Variants in RHBDD1 observed in about 807,000 individuals in gnomAD.
RHBDD1 encodes the protein rhomboid domain containing 1, also known as rhomboid-related protein 4.
Under a neutral mutation model 36.3 loss-of-function variants are expected in RHBDD1, and 38 were observed. The observed-to-expected ratio is 1.05, with a 90% CI of 0.81 to 1.37. The LOEUF is 1.37. Ranked by LOEUF, RHBDD1 falls within the 40% of genes most tolerant of loss-of-function variation. RHBDD1 has a pLI of 0.00. For missense variants in RHBDD1, 393 were observed against 377.6 expected (o/e 1.04, Z -0.34); for synonymous variants, 151 against 136.5 (o/e 1.11, Z -0.74).
At chr2:226,953,112 T>C (rs1293404237) in intron 8 of RHBDD1, among the ~76,000 whole-genome samples, 1 of 152,218 alleles carries the variant, frequency 6.6e-6, no homozygotes. Context: ...GGCTTGAGTC[T>C]TTACTTTTGA....
intron 2 of RHBDD1, among the ~76,000 whole-genome samples, chr2:226,838,884 CAA>C (rs1941304487): frequency 6.6e-6 from 1 of 152,024 alleles, no homozygotes; most frequent in South Asian, 2.1e-4. Context: ...ATGTTTACAG[CAA>C]GGTAAACATC....
At chr2:226,809,634 GGAGA>G in the RHBDD1 span, among the ~76,000 whole-genome samples, 757 of 151,904 alleles carry the variant, frequency 5.0e-3, 8 homozygotes, top group African/African-American at 0.018. Flanking sequence ...AGAAAGAGAG[GGAGA>G]GAGAGAGACA....
intron 3 of RHBDD1, among the ~76,000 whole-genome samples, chr2:226,861,107 C>G (rs984464635): frequency 1.3e-5 from 2 of 152,206 alleles, no homozygotes; most frequent in African/African-American, 2.4e-5. Flanking sequence ...ACCAAGACAT[C>G]AGGCAAACTA....
At chr2:226,988,291 CT>C in intron 8 of RHBDD1, 7 of 1,535,248 alleles carry the variant, frequency 4.6e-6, no homozygotes, top group Non-Finnish European at 6.1e-6. Context: ...GTCTCTTCCC[CT>C]GTCCTTCCCT....
At chr2:226,956,220 C>T (rs2149244921) in intron 8 of RHBDD1, among the ~76,000 whole-genome samples, 1 of 152,228 alleles carries the variant, frequency 6.6e-6, no homozygotes, top group Admixed American at 6.5e-5. Flanking sequence ...GCTCAACTTG[C>T]TCCCACGCCC....
chr2:226,895,582 G>C, intron 5 of RHBDD1: 1 of 708,562 alleles, frequency 1.4e-6, no homozygotes, highest in Non-Finnish European at 1.7e-6. Context: ...AAGGGAGTCG[G>C]GGGAGATTCT....
intron 8 of RHBDD1, among the ~76,000 whole-genome samples, chr2:226,985,749 C>A (rs13419455): frequency 1.3e-5 from 2 of 152,002 alleles, no homozygotes; most frequent in Non-Finnish European, 2.9e-5. Context: ...GTTAGCAGAC[C>A]CCACTTCACC....
chr2:226,908,764 C>G, intron 6 of RHBDD1, 58 bp from the exon 7 acceptor site: 1 of 1,126,584 alleles, frequency 8.9e-7, no homozygotes, highest in East Asian at 2.3e-5. Flanking sequence ...ATTACTGGAA[C>G]AATTAGCATT....
At chr2:226,924,329 G>T (rs571167103) in intron 8 of RHBDD1, among the ~76,000 whole-genome samples, 6 of 152,248 alleles carry the variant, frequency 3.9e-5, no homozygotes, top group South Asian at 2.1e-4. Context: ...CCTGGAATAG[G>T]GGCCTCAGGA....
chr2:226,808,808 A>G, the RHBDD1 span, among the ~76,000 whole-genome samples: 2 of 152,110 alleles, frequency 1.3e-5, no homozygotes, highest in African/African-American at 4.8e-5. Flanking sequence ...AGTAGACATG[A>G]GCCCACCCAG....
upstream of RHBDD1, among the ~76,000 whole-genome samples, chr2:226,830,606 G>A (rs774218284): frequency 2.6e-5 from 4 of 152,180 alleles, no homozygotes; most frequent in Admixed American, 6.5e-5. Context: ...TTGGGCTCAC[G>A]TGATCCTCCT....
chr2:226,959,626 G>C (rs1306296134), intron 8 of RHBDD1, among the ~76,000 whole-genome samples: 1 of 152,172 alleles, frequency 6.6e-6, no homozygotes, highest in African/African-American at 2.4e-5. Context: ...CCATTGTACA[G>C]ATATACCATA....
chr2:226,817,953 T>C, the RHBDD1 span, among the ~76,000 whole-genome samples: 1 of 152,196 alleles, frequency 6.6e-6, no homozygotes, highest in South Asian at 2.1e-4. Flanking sequence ...TCTTTCCTGT[T>C]TGTATTGGTA....
chr2:226,903,881 C>G (rs1947808122), intron 5 of RHBDD1, among the ~76,000 whole-genome samples: 1 of 152,128 alleles, frequency 6.6e-6, no homozygotes, highest in Non-Finnish European at 1.5e-5. Context: ...AACGGCGCAA[C>G]AGAGAGAAGG....
At chr2:226,815,373 T>C in the RHBDD1 span, among the ~76,000 whole-genome samples, 2 of 152,234 alleles carry the variant, frequency 1.3e-5, no homozygotes, top group African/African-American at 4.8e-5. Flanking sequence ...TCATGAATGC[T>C]TTCCTAGAAT....
chr2:226,940,458 AT>A (rs1237203147), intron 8 of RHBDD1, among the ~76,000 whole-genome samples: 1 of 152,194 alleles, frequency 6.6e-6, no homozygotes, highest in Non-Finnish European at 1.5e-5. Flanking sequence ...TGTTAAAAAT[AT>A]TAGGTGTATA....
intron 8 of RHBDD1, among the ~76,000 whole-genome samples, chr2:226,939,183 G>A (rs968403723): frequency 6.6e-6 from 1 of 152,098 alleles, no homozygotes; most frequent in African/African-American, 2.4e-5. Flanking sequence ...TACTGAATGG[G>A]CAAAAGCTGG....
chr2:226,810,376 C>T, the RHBDD1 span, among the ~76,000 whole-genome samples: 52 of 151,468 alleles, frequency 3.4e-4, 1 homozygote, highest in African/African-American at 1.2e-3. Context: ...CCCGTCTCTA[C>T]TAAAAATATA....
At position 226,995,461 on chromosome 2, in the gene RHBDD1, GGTTTCATCTCTCACC is replaced by G; in HGVS notation, c.888_902del (p.Phe297_Pro301del). ...ACCAGAAATAGCCCACCACCCTACG[GGTTTCATCTCTCACC>G]AGAAGAAATGAGGAGACAGCGGCTT... On this transcript the variant is annotated inframe_deletion, in exon 9 of 9. Transcript: ENST00000392062. 1 of 1,613,060 alleles carries G rather than the reference GGTTTCATCTCTCACC, an allele frequency of 6.2e-7. No individual in the cohort carries two copies. The highest frequency in any genetic ancestry group is 2.2e-5 in the East Asian group (1 of 44,876).
Sources: gnomAD v4.1 joint callset for allele counts (sites outside exome capture counted in the v4.1 genomes callset) on GRCh38, gnomAD v4.1.1 for gene constraint, MANE v1.5 for transcripts, NCBI Gene and HGNC (gene_info 2026-07-23, HGNC 2026-07-21) for gene names.